HELZ2: variants seen among roughly 807,000 people sequenced by gnomAD.
HELZ2 encodes helicase with zinc finger 2, also known as 3'-5' exoribonuclease HELZ2.
Under a neutral mutation model 208.8 loss-of-function variants are expected in HELZ2, and 143 were observed. The ratio of observed to expected loss-of-function variants is 0.68; its 90% CI spans 0.60 to 0.79. The LOEUF is 0.79. Ranked by LOEUF, HELZ2 falls within the 30% of genes least tolerant of loss-of-function variation. The probability of loss-of-function intolerance (pLI) is 0.00; values close to 1 mark genes in which losing one functional copy is unlikely to be tolerated. For synonymous variants in HELZ2, 1,705 were observed against 1,693.7 expected, an observed-to-expected ratio of 1.01 and a Z score of -0.16; for missense variants, 3,690 against 3,794.5, an observed-to-expected ratio of 0.97 and a Z score of 0.72.
chr20:63,565,677 C>T (rs751755600), exon 8 of HELZ2: 26 of 1,609,032 alleles, frequency 1.6e-5, no homozygotes, highest in East Asian at 4.5e-5. Flanking sequence ...GTGGACTCCA[C>T]GCCCGCTGCA....
chr20:63,563,797 G>T, exon 8 of HELZ2: 1 of 1,602,856 alleles, frequency 6.2e-7, no homozygotes, highest in South Asian at 1.1e-5. Context: ...GGTACCTGCG[G>T]ATGGGCGAGG....
Position 63,563,180 on chromosome 20 carries a change from TC to T in HELZ2, c.5641del (p.Asp1881ThrfsTer89). On this transcript the variant is annotated frameshift_variant, in exon 8 of 19. Coordinates refer to ENST00000467148, the Ensembl canonical transcript of HELZ2. LOFTEE classifies it high-confidence loss of function. ...GGTGCCGAGCTGCACCTGCAGGGTG[TC>T]CCCACTGCCCAGCTCCCGGGCCACC... 6.3e-7 allele frequency: 1 copy of T among 1,592,038 alleles called. No homozygotes were observed.
At chr20:63,573,914 G>A (rs532335535), upstream of HELZ2, among the ~76,000 whole-genome samples, 10 of 152,278 alleles carry the variant, frequency 6.6e-5, no homozygotes, top group African/African-American at 1.4e-4. The surrounding 1 kb of genome is among the most constrained non-coding windows in gnomAD (Gnocchi z 4.9). Context: ...CAGAAAGGAC[G>A]GGAGCCGAGA....
upstream of HELZ2, chr20:63,572,654 C>T (rs902422648): frequency 4.4e-6 from 2 of 449,716 alleles, no homozygotes; most frequent in Non-Finnish European, 7.8e-6. Context: ...CTCGAAGCGG[C>T]CGCCAAACTC....
intron 5 of HELZ2, 154 bp downstream of exon 6, chr20:63,568,204 T>G (rs2146020123): frequency 7.6e-6 from 5 of 660,742 alleles, no homozygotes; most frequent in South Asian, 3.8e-5. Context: ...CTCGGTGCCC[T>G]GAGCTGGGCC....
At chr20:63,563,688 G>C (rs1312388731) in exon 8 of HELZ2, 1 of 1,580,144 alleles carries the variant, frequency 6.3e-7, no homozygotes, top group Non-Finnish European at 8.6e-7. Context: ...GCGTGCTGGA[G>C]GCTGAAGGCC....
exon 4 of HELZ2, chr20:63,569,266 C>T (rs2082994847): frequency 1.3e-6 from 2 of 1,573,806 alleles, no homozygotes; most frequent in Admixed American, 1.8e-5. Context: ...AACTCCAGGG[C>T]CAGGGCAGGG....
In HELZ2 at chr20:63,561,588, A is replaced by G. The variant is rs190866486; in HGVS notation, c.6836+13T>C. The G allele has an allele frequency of 3.4e-4, 540 of 1,594,712 alleles. 2 individuals are homozygous for G. In the African/African-American group the frequency reaches 6.3e-3, roughly 18 times the overall value. On this transcript the variant is annotated intron_variant, in intron 12 of 18. Coordinates refer to ENST00000467148, the Ensembl canonical transcript of HELZ2. ...GCCCCACTCCGCCCAAGCCCCAAAG[A>G]CAGCAGGCACACCTGAGGCTCTGGT...
At chr20:63,559,174 G>A, downstream of HELZ2, 1 of 1,427,450 alleles carries the variant, frequency 7.0e-7, no homozygotes. Flanking sequence ...GATGGCGGAG[G>A]GTGGTGGGGA....
exon 3 of HELZ2, chr20:63,570,600 G>C (rs1464826507): frequency 6.2e-7 from 1 of 1,609,310 alleles, no homozygotes; most frequent in South Asian, 1.1e-5. Context: ...CTCCATCAAG[G>C]GTCTCTGCCA....
chr20:63,563,709 C>A, exon 8 of HELZ2: 1 of 1,589,742 alleles, frequency 6.3e-7, no homozygotes, highest in Non-Finnish European at 8.5e-7. Flanking sequence ...TGGCAGAGCC[C>A]ATCGATGTCC....
chr20:63,572,243 G>A (rs760938476), exon 1 of HELZ2: 2 of 1,595,756 alleles, frequency 1.3e-6, no homozygotes, highest in African/African-American at 1.3e-5. Context: ...AGAGTGGCAG[G>A]TGACCAAGCA....
At chr20:63,574,027 T>C (rs2083035843), upstream of HELZ2, among the ~76,000 whole-genome samples, 1 of 151,882 alleles carries the variant, frequency 6.6e-6, no homozygotes, top group African/African-American at 2.4e-5. Flanking sequence ...GCTGGGTCTG[T>C]GGCTCCCGGG....
chr20:63,562,271 G>A lies in HELZ2; in HGVS notation c.6397+17C>T. 6.3e-7 allele frequency: 1 copy of A among 1,597,366 alleles called. No individual in the cohort carries two copies. The highest frequency in any genetic ancestry group is 8.5e-7 in the Non-Finnish European group (1 of 1,171,550). On this transcript the variant is annotated intron_variant, in intron 9 of 18. Coordinates refer to ENST00000467148, the Ensembl canonical transcript of HELZ2. The stretch of plus-strand genomic sequence containing the variant: ...CTGGGGGCCAGAGGGGAAGCTGGAG[G>A]GGTGGGGCAGACCTACCTCTGCAGA...
exon 6 of HELZ2, chr20:63,567,606 C>G (rs749359635): frequency 8.7e-6 from 14 of 1,600,558 alleles, no homozygotes; most frequent in Non-Finnish European, 1.2e-5. Flanking sequence ...GGAAATACTC[C>G]CGGATGTAGA....
In HELZ2 at chr20:63,563,293, C is replaced by T. The variant is rs371627498; in HGVS notation, c.5529G>A (p.Ala1843=). Reference sequence around the variant, plus strand: ...CGCCCTTCTCCTGGATGAGAGCAGCCGCCTCCGGCCAGCGCTGCAGCTCCA... The same window carrying T: ...CGCCCTTCTCCTGGATGAGAGCAGCTGCCTCCGGCCAGCGCTGCAGCTCCA... Residue 1843 remains alanine, a synonymous_variant, in exon 8 of 19, where the codon GCG becomes GCA. Coordinates refer to ENST00000467148, the Ensembl canonical transcript of HELZ2. 4.5e-5 allele frequency: 69 copies of T among 1,549,586 alleles called. 1 individual carries two copies. The South Asian group carries it at 4.7e-4, about 11-fold the overall frequency.
chr20:63,569,396 G>T lies in HELZ2; in HGVS notation c.840C>A (p.Cys280Ter). The change falls in exon 4 of 19, where the codon TGC (cysteine) becomes TGA (stop). Residue 280 changes from cysteine (C) to a stop codon, truncating the protein, a stop_gained. Transcript: ENST00000467148. LOFTEE classifies it high-confidence loss of function. ...CAGGGTGGCCGAGCGCCAGATTCCT[G>T]CAGGGTCCTGGGCGACGCCCCTGGC... 5 of 1,609,538 alleles carry T rather than the reference G, an allele frequency of 3.1e-6. No homozygotes were observed. Among genetic ancestry groups the T allele is most frequent in the Non-Finnish European group, 4.2e-6 (5 of 1,177,958 alleles).
At chr20:63,567,806 A>G in intron 5 of HELZ2, 179 bp from the exon 7 acceptor site, 2 of 1,396,716 alleles carry the variant, frequency 1.4e-6, no homozygotes, top group South Asian at 2.9e-5. Context: ...GAGGCCACGG[A>G]GGGCTTCAGG....
Position 63,564,724 on chromosome 20 carries a change from G to T in HELZ2, c.4098C>A (p.Cys1366Ter). 1 of 1,610,288 alleles carries T rather than the reference G, an allele frequency of 6.2e-7. No homozygotes were observed. The highest frequency in any genetic ancestry group is 8.5e-7 in the Non-Finnish European group (1 of 1,178,752). ...CATCAGTGATGTGCACAGCCACCTC[G>T]CACCTGGGACCCAGGTCTCGGACAC... Residue 1366 changes from cysteine (C) to a stop codon, truncating the protein, a stop_gained, in exon 8 of 19, where the codon TGC (cysteine) becomes TGA (stop). Transcript: ENST00000467148. LOFTEE classifies it high-confidence loss of function.
Sources: gnomAD v4.1 joint callset for allele counts (sites outside exome capture counted in the v4.1 genomes callset) on GRCh38, gnomAD v4.1.1 for gene constraint, Gnocchi (gnomAD v3.1) non-coding constraint, MANE v1.5 for transcripts, NCBI Gene and HGNC (gene_info 2026-07-23, HGNC 2026-07-21) for gene names.